DHX36: variants seen among roughly 807,000 people sequenced by gnomAD.
DHX36 encodes the protein DEAH-box helicase 36.
A neutral mutation model predicts 139.0 loss-of-function variants in DHX36; 50 were observed. The ratio of observed to expected loss-of-function variants is 0.36; its 90% confidence interval spans 0.29 to 0.46. The LOEUF is 0.46. Among genes scored for constraint, DHX36 ranks in the 20% least tolerant of loss-of-function variants. The probability of loss-of-function intolerance (pLI) is 1.00; values close to 1 mark genes in which losing one functional copy is unlikely to be tolerated. For synonymous variants in DHX36, 425 were observed against 401.9 expected (o/e 1.06, Z -0.69); for missense variants, 1,024 against 1,211.3 (o/e 0.85, Z 2.29).
Position 154,276,759 on chromosome 3 carries a change from G to C in DHX36, c.2829C>G (p.Ala943=). Residue 943 remains alanine, a synonymous_variant, in exon 24 of 25, where the codon GCC becomes GCG. Coordinates refer to ENST00000496811, the MANE Select transcript of DHX36 (RefSeq NM_020865.3). ...TAAAGTCAGTCACCTTAACAAGATG[G>C]GCAATTCTTGCTGGAGACTGAAATA... is the stretch of plus-strand genomic sequence containing the variant. ...WIVFQSPARI[A]HLVKELRKEL... is the part of the protein sequence containing the mutation. The C allele has an allele frequency of 6.2e-7, 1 of 1,613,612 alleles. No homozygotes were observed. Among genetic ancestry groups the C allele is most frequent in the Non-Finnish European group, 8.5e-7 (1 of 1,179,818 alleles).
chr3:154,277,848 C>T, intron 22 of DHX36, 130 bp from the exon 23 acceptor site: 1 of 853,402 alleles, frequency 1.2e-6, no homozygotes, highest in Non-Finnish European at 1.7e-6. Flanking sequence ...TAAAAAAATT[C>T]CAGAGAATAA....
rs994505768 is a variant in DHX36, at chr3:154,322,793, A to G, written c.243+1381T>C. Among the ~76,000 whole-genome samples the G allele has an allele frequency of 7.2e-5, 11 of 152,322 alleles. No homozygotes were observed. In the South Asian group the frequency reaches 2.1e-3, roughly 29 times the overall value. On this transcript the variant is annotated intron_variant, in intron 1 of 24. Transcript: ENST00000496811. ...ATACCACATTTCTTCAAGTCCCTGGAGCAATATGCATAAAACCTTGTTTCA... is the reference window on the plus strand; with the variant it reads ...ATACCACATTTCTTCAAGTCCCTGGGGCAATATGCATAAAACCTTGTTTCA...
chr3:154,292,591 T>C lies in DHX36; in HGVS notation c.1774A>G (p.Ser592Gly). 6.2e-7 allele frequency: 1 copy of C among 1,614,106 alleles called. No individual in the cohort carries two copies. The highest frequency in any genetic ancestry group is 8.5e-7 in the Non-Finnish European group (1 of 1,179,998). Reference protein sequence around the residue: ...NISTMSAEWVSKANAKQRKGR... With the variant: ...NISTMSAEWVGKANAKQRKGR... ...TTTCTCTGTTTGGCATTAGCTTTACTAACCCACTCAGCGGACATTGTACTG... is the reference window on the plus strand; with the variant it reads ...TTTCTCTGTTTGGCATTAGCTTTACCAACCCACTCAGCGGACATTGTACTG... Residue 592 changes from serine to glycine, a missense_variant, in exon 15 of 25, where the codon AGT becomes GGT. Around this residue, in one of 4 missense-constraint regions of DHX36, gnomAD observed 470 missense variants for 616.2 expected, o/e 0.76. Coordinates refer to ENST00000496811, the MANE Select transcript of DHX36 (RefSeq NM_020865.3).
At chr3:154,293,298 G>C (rs1363508431) in intron 14 of DHX36, among the ~76,000 whole-genome samples, 1 of 152,154 alleles carries the variant, frequency 6.6e-6, no homozygotes, top group Non-Finnish European at 1.5e-5. Context: ...CCACAAAACT[G>C]GCCATGCATG....
chr3:154,283,215 T>C lies in DHX36; in HGVS notation c.2349A>G (p.Glu783=). The C allele has an allele frequency of 6.2e-7, 1 of 1,613,832 alleles. No individual in the cohort carries two copies. Among genetic ancestry groups the C allele is most frequent in the East Asian group, 2.2e-5 (1 of 44,866 alleles). The change falls in exon 20 of 25, where the codon GAA becomes GAG. Residue 783 remains glutamate, a synonymous_variant. Coordinates refer to ENST00000496811, the MANE Select transcript of DHX36 (RefSeq NM_020865.3). ...GCAGTGTGTTTGAAGACAGAAAATA[T>C]TCCCAGCAATAGTCCTTTTCGTATC... The part of the protein sequence containing the change: ...GFRYEKDYCW[E]YFLSSNTLQM...
At chr3:154,313,585 T>C (rs1712852013) in intron 3 of DHX36, among the ~76,000 whole-genome samples, 1 of 152,010 alleles carries the variant, frequency 6.6e-6, no homozygotes, top group Non-Finnish European at 1.5e-5. Context: ...GAGGCTAAGG[T>C]GGAAGGATCA....
rs1719116875 is a variant in DHX36, at chr3:154,275,429, C to A, written c.*742G>T. On this transcript the variant is annotated 3_prime_UTR_variant, in exon 25 of 25. Transcript: ENST00000496811. ...TGTTTGAATCCACAGATGTGGAATG[C>A]ATGGATATGAAGGGCCAACTGTATC... 6.7e-6 allele frequency: 1 copy of A among 149,774 alleles called. No individual in the cohort carries two copies. The highest frequency in any genetic ancestry group is 2.5e-5 in the African/African-American group (1 of 40,278). 9.3% of individuals were successfully genotyped at this position (149,774 alleles called of 1,614,324 possible). A position where few individuals can be genotyped will look rare whatever the true frequency, so the allele number is the denominator to read the frequency against.
chr3:154,291,553 C>T (rs142199053), intron 15 of DHX36, among the ~76,000 whole-genome samples: 6 of 152,240 alleles, frequency 3.9e-5, no homozygotes, highest in Admixed American at 6.5e-5. Flanking sequence ...GACTAAACCA[C>T]GATTTTGGTT....
chr3:154,321,456 TA>T (rs2108370941), intron 1 of DHX36, among the ~76,000 whole-genome samples: 1 of 152,344 alleles, frequency 6.6e-6, no homozygotes, highest in East Asian at 1.9e-4. Context: ...AAAAATCTTC[TA>T]AAATACCTTG....
At chr3:154,309,914 T>TG in intron 4 of DHX36, 91 bp from the exon 5 acceptor site, 1 of 1,010,652 alleles carries the variant, frequency 9.9e-7, no homozygotes, top group Non-Finnish European at 1.4e-6. Context: ...AACATAGCTA[T>TG]TTTTAACAAA....
intron 1 of DHX36, 82 bp downstream of exon 1, chr3:154,324,092 C>T: frequency 6.9e-7 from 1 of 1,458,114 alleles, no homozygotes; most frequent in Non-Finnish European, 9.3e-7. Flanking sequence ...ACTTAAGAAA[C>T]AAAACCAAGA....
chr3:154,316,537 G>A (rs1017236113), intron 1 of DHX36, among the ~76,000 whole-genome samples: 8 of 151,872 alleles, frequency 5.3e-5, no homozygotes, highest in Admixed American at 2.0e-4. Context: ...AATGGTTTAC[G>A]AAAAAAGTTG....
chr3:154,283,114 T>C (rs1719380472), intron 20 of DHX36, 74 bp downstream of exon 20: 14 of 1,197,526 alleles, frequency 1.2e-5, no homozygotes, highest in Admixed American at 1.7e-5. Flanking sequence ...GCTATAGATC[T>C]AATTGTACAA....
intron 15 of DHX36, among the ~76,000 whole-genome samples, chr3:154,290,603 C>T (rs1386021246): frequency 1.4e-5 from 2 of 142,734 alleles, no homozygotes; most frequent in Non-Finnish European, 3.0e-5. Flanking sequence ...GCCATGTACT[C>T]CAGTCTGGTG....
chr3:154,276,084 G>A lies in DHX36; in HGVS notation c.*87C>T. The A allele has an allele frequency of 7.5e-7, 1 of 1,341,210 alleles. No individual in the cohort carries two copies. Among genetic ancestry groups the A allele is most frequent in the South Asian group, 1.4e-5 (1 of 71,214 alleles). The allele number at this position is 1,341,210 out of a possible 1,614,324, so 83.1% of individuals were successfully genotyped here. ...TACCTTACACATGAAAATTGTTCAT[G>A]TCCCAGGGTTTGGCATCCAGCCAAA... On this transcript the variant is annotated 3_prime_UTR_variant, in exon 25 of 25. Coordinates refer to ENST00000496811, the MANE Select transcript of DHX36 (RefSeq NM_020865.3).
intron 9 of DHX36, among the ~76,000 whole-genome samples, chr3:154,301,838 A>C (rs1024446847): frequency 6.6e-6 from 1 of 151,958 alleles, no homozygotes; most frequent in Non-Finnish European, 1.5e-5. Flanking sequence ...AAAAGACAAA[A>C]ATGAACCCAC....
intron 17 of DHX36, among the ~76,000 whole-genome samples, chr3:154,287,701 G>T (rs1711595605): frequency 6.6e-6 from 1 of 151,486 alleles, no homozygotes; most frequent in Non-Finnish European, 1.5e-5. Flanking sequence ...ATTTATCAAG[G>T]TATTAAAAAA....
Position 154,309,911 on chromosome 3 carries a change from C to T in DHX36, c.643-88G>A, listed in dbSNP as rs112484435. The T allele has an allele frequency of 8.2e-4, 834 of 1,022,274 alleles. 5 individuals carry two copies. The African/African-American group carries it at 0.012, about 15-fold the overall frequency. 63.3% of individuals were successfully genotyped at this position (1,022,274 alleles called of 1,614,324 possible). The stretch of plus-strand genomic sequence containing the variant: ...CAAAATTCGACCAAACTGAACATAG[C>T]TATTTTTAACAAACATATTAATGCT... On this transcript the variant is annotated intron_variant, in intron 4 of 24. Coordinates refer to ENST00000496811, the MANE Select transcript of DHX36 (RefSeq NM_020865.3).
At chr3:154,312,755 T>C (rs1394618033) in intron 3 of DHX36, among the ~76,000 whole-genome samples, 5 of 149,386 alleles carry the variant, frequency 3.3e-5, no homozygotes, top group East Asian at 2.0e-4. Context: ...GGCAGGAGAA[T>C]TGGTGGAGGT....
Sources: gnomAD v4.1 joint callset for allele counts (sites outside exome capture counted in the v4.1 genomes callset) on GRCh38, gnomAD v4.1.1 for gene constraint, gnomAD v4.1.1 regional missense constraint, MANE v1.5 for transcripts, NCBI Gene and HGNC (gene_info 2026-07-23, HGNC 2026-07-21) for gene names.